PHACTR4: variants seen among roughly 807,000 people sequenced by gnomAD.
The protein encoded by PHACTR4 is phosphatase and actin regulator 4.
PHACTR4 carries 51 observed loss-of-function variants against 72.7 expected under a neutral mutation model. The observed-to-expected ratio is 0.70, with a 90% CI of 0.56 to 0.89. PHACTR4 has a LOEUF of 0.89. PHACTR4 is among the 40% of genes least tolerant of loss of function. The pLI, the probability that PHACTR4 is intolerant of heterozygous loss-of-function variation, is 0.00. For missense variants in PHACTR4, 731 were observed against 861.8 expected (o/e 0.85, Z 1.90); for synonymous variants, 255 against 302.5 (o/e 0.84, Z 1.63).
At chr1:28,400,257 C>T (rs1190330562) in intron 1 of PHACTR4, among the ~76,000 whole-genome samples, 1 of 151,884 alleles carries the variant, frequency 6.6e-6, no homozygotes, top group African/African-American at 2.4e-5. Context: ...CCTGTAATCC[C>T]AGCTACTTGG....
intron 13 of PHACTR4, among the ~76,000 whole-genome samples, chr1:28,493,427 A>G (rs1289761561): frequency 2.0e-5 from 3 of 151,822 alleles, no homozygotes; most frequent in African/African-American, 7.3e-5. Flanking sequence ...AATCCCAACT[A>G]TTAGGGAGGA....
chr1:28,418,167 G>GA (rs1300367974), intron 2 of PHACTR4, among the ~76,000 whole-genome samples: 1 of 151,660 alleles, frequency 6.6e-6, no homozygotes, highest in African/African-American at 2.4e-5. Context: ...AAAGATAGTA[G>GA]AAAAATACAT....
chr1:28,373,858 C>A (rs1053588834), intron 1 of PHACTR4, among the ~76,000 whole-genome samples: 1 of 152,162 alleles, frequency 6.6e-6, no homozygotes, highest in African/African-American at 2.4e-5. Context: ...GTGACTTGCC[C>A]AAGGTTATAG....
At chr1:28,442,387 CAAG>C (rs776277248) in intron 2 of PHACTR4, among the ~76,000 whole-genome samples, 81 of 150,032 alleles carry the variant, frequency 5.4e-4, no homozygotes, top group Non-Finnish European at 1.0e-3. Context: ...TCGCTTGAAA[CAAG>C]GAGGCGGAGG....
intron 1 of PHACTR4, among the ~76,000 whole-genome samples, chr1:28,373,323 T>A (rs940339617): frequency 6.6e-6 from 1 of 151,914 alleles, no homozygotes; most frequent in Non-Finnish European, 1.5e-5. Flanking sequence ...GGAGTTTCAC[T>A]CTTTTTGCCC....
chr1:28,411,758 G>A (rs920444742), intron 2 of PHACTR4, among the ~76,000 whole-genome samples: 5 of 151,890 alleles, frequency 3.3e-5, no homozygotes, highest in African/African-American at 9.7e-5. Context: ...ACTAAAGAAC[G>A]TATTCATGTA....
chr1:28,461,008 T>A (rs1658765157), intron 4 of PHACTR4, among the ~76,000 whole-genome samples: 1 of 152,178 alleles, frequency 6.6e-6, no homozygotes, highest in Non-Finnish European at 1.5e-5. Context: ...CCAGTCATTG[T>A]TTGTTTAATA....
intron 2 of PHACTR4, among the ~76,000 whole-genome samples, chr1:28,429,349 C>A (rs1412981863): frequency 6.6e-6 from 1 of 152,152 alleles, no homozygotes; most frequent in East Asian, 1.9e-4. Context: ...TTCTCAAAAA[C>A]CACATGAACA....
intron 6 of PHACTR4, among the ~76,000 whole-genome samples, chr1:28,468,755 G>C (rs559579039): frequency 1.3e-5 from 2 of 152,130 alleles, no homozygotes; most frequent in African/African-American, 4.8e-5. Flanking sequence ...GACACTACCC[G>C]TAGAGTTTCT....
At chr1:28,475,537 T>A (rs1385987637) in intron 7 of PHACTR4, among the ~76,000 whole-genome samples, 1 of 152,112 alleles carries the variant, frequency 6.6e-6, no homozygotes, top group East Asian at 1.9e-4. Context: ...CTCTGTAGGC[T>A]TGTGAGAATG....
chr1:28,454,733 A>C (rs890910894), intron 2 of PHACTR4, among the ~76,000 whole-genome samples: 2 of 152,128 alleles, frequency 1.3e-5, no homozygotes, highest in Non-Finnish European at 2.9e-5. Flanking sequence ...TTCCAATAAC[A>C]CATAATTGGA....
At chr1:28,440,609 G>GT (rs1371127377) in intron 2 of PHACTR4, among the ~76,000 whole-genome samples, 1 of 151,614 alleles carries the variant, frequency 6.6e-6, no homozygotes, top group Non-Finnish European at 1.5e-5. Flanking sequence ...GCTTAACTAA[G>GT]TTTTTTATGT....
chr1:28,425,140 G>A (rs1043432217), intron 2 of PHACTR4, among the ~76,000 whole-genome samples: 3 of 151,524 alleles, frequency 2.0e-5, no homozygotes, highest in Middle Eastern at 3.4e-3. Context: ...TTTATTTTGA[G>A]ACAGAGTCTC....
At chr1:28,372,185 A>T (rs1651300730) in intron 1 of PHACTR4, among the ~76,000 whole-genome samples, 1 of 152,054 alleles carries the variant, frequency 6.6e-6, no homozygotes, top group Non-Finnish European at 1.5e-5. Context: ...GTGCCTGGCC[A>T]ATAAAAAATT....
intron 2 of PHACTR4, among the ~76,000 whole-genome samples, chr1:28,425,656 AG>A (rs1655790278): frequency 6.6e-6 from 1 of 152,252 alleles, no homozygotes; most frequent in Admixed American, 6.5e-5. Flanking sequence ...CAAATGTTAT[AG>A]CTAGCTGTCA....
At chr1:28,432,481 A>G (rs1222154479) in intron 2 of PHACTR4, among the ~76,000 whole-genome samples, 1 of 151,318 alleles carries the variant, frequency 6.6e-6, no homozygotes, top group African/African-American at 2.4e-5. Flanking sequence ...GTCTCTATAA[A>G]AAAAAATTAA....
At chr1:28,493,147 G>T (rs921274589) in intron 13 of PHACTR4, 56 bp downstream of exon 13, 1 of 1,469,472 alleles carries the variant, frequency 6.8e-7, no homozygotes, top group Non-Finnish European at 9.5e-7. Flanking sequence ...CCAAAAAATT[G>T]TTCAGATATG....
intron 2 of PHACTR4, among the ~76,000 whole-genome samples, chr1:28,456,418 G>T (rs1473195863): frequency 1.3e-5 from 2 of 152,102 alleles, no homozygotes; most frequent in Non-Finnish European, 2.9e-5. Context: ...CCTCCAACCA[G>T]GCCCCACTTC....
At chr1:28,461,222 T>TTAAGG (rs1658784612) in intron 4 of PHACTR4, among the ~76,000 whole-genome samples, 1 of 151,714 alleles carries the variant, frequency 6.6e-6, no homozygotes, top group African/African-American at 2.4e-5. Context: ...GGCAGAACAC[T>TTAAGG]TAAGGTCAGG....
Sources: allele counts gnomAD v4.1 joint callset (sites outside exome capture counted in the v4.1 genomes callset), GRCh38; gene constraint gnomAD v4.1.1; transcripts MANE v1.5; gene names NCBI Gene and HGNC (gene_info 2026-07-23, HGNC 2026-07-21).